LUZP2: variants seen among roughly 807,000 people sequenced by gnomAD.
The protein encoded by LUZP2 is leucine zipper protein 2.
A neutral mutation model predicts 51.6 loss-of-function variants in LUZP2; 52 were observed. That is an observed-to-expected ratio of 1.01 (90% confidence interval 0.81 to 1.27). LUZP2 has a LOEUF of 1.27. Ranked by LOEUF, LUZP2 falls within the 50% of genes most tolerant of loss-of-function variation. The pLI, the probability that LUZP2 is intolerant of heterozygous loss-of-function variation, is 0.00. For missense variants in LUZP2, 436 were observed against 395.4 expected, an observed-to-expected ratio of 1.10 and a Z score of -0.87; for synonymous variants, 154 against 137.3, an observed-to-expected ratio of 1.12 and a Z score of -0.85.
chr11:24,881,467 A>C (rs913935145), intron 5 of LUZP2, among the ~76,000 whole-genome samples: 3 of 151,730 alleles, frequency 2.0e-5, no homozygotes, highest in Admixed American at 2.0e-4. Context: ...ACACCTTTGC[A>C]TGAGATCTTT....
intron 9 of LUZP2, among the ~76,000 whole-genome samples, chr11:25,035,645 C>G (rs1857833341): frequency 6.6e-6 from 1 of 152,088 alleles, no homozygotes; most frequent in Admixed American, 6.6e-5. Context: ...CTATTCTTAT[C>G]AAACTATCAA....
At chr11:24,594,163 A>C (rs1476047291) in intron 1 of LUZP2, among the ~76,000 whole-genome samples, 2 of 152,210 alleles carry the variant, frequency 1.3e-5, no homozygotes, top group African/African-American at 2.4e-5. Context: ...TGAAAGTGAA[A>C]AATTTCAATC....
chr11:24,729,763 G>T (rs982527385), intron 2 of LUZP2, among the ~76,000 whole-genome samples: 2 of 151,826 alleles, frequency 1.3e-5, no homozygotes, highest in African/African-American at 4.8e-5. Flanking sequence ...TCTACATAGG[G>T]TAAAAATAGT....
intron 7 of LUZP2, among the ~76,000 whole-genome samples, chr11:24,920,810 G>A (rs948470326): frequency 6.6e-6 from 1 of 151,942 alleles, no homozygotes; most frequent in African/African-American, 2.4e-5. Flanking sequence ...GGGAAGGAAG[G>A]TACTGGAAGA....
At chr11:24,551,521 T>G (rs961724577) in intron 1 of LUZP2, among the ~76,000 whole-genome samples, 1 of 152,004 alleles carries the variant, frequency 6.6e-6, no homozygotes, top group Non-Finnish European at 1.5e-5. Flanking sequence ...TAGATTACGG[T>G]AATGGTTGTG....
rs140605989 is a variant in LUZP2 at position 24,765,205 on chromosome 11, A to G, written c.396+1897A>G. Among the ~76,000 whole-genome samples the G allele has an allele frequency of 3.1e-3, 478 of 152,344 alleles. 3 individuals carry two copies. The highest frequency in any genetic ancestry group is 0.011 in the African/African-American group (470 of 41,586). On this transcript the variant is annotated intron_variant, in intron 5 of 11. Coordinates refer to ENST00000336930, the MANE Select transcript of LUZP2 (RefSeq NM_001009909.4). ...GTAGAGATTAAGGCAGATTTATTTA[A>G]TGAAATAACTGGTGTATACACTGTA... is the stretch of plus-strand genomic sequence containing the variant.
chr11:24,744,360 T>G (rs2133995704), intron 4 of LUZP2, among the ~76,000 whole-genome samples: 1 of 152,168 alleles, frequency 6.6e-6, no homozygotes. Context: ...TTGTTAGTAA[T>G]TTTTTAATTA....
chr11:24,625,951 G>A (rs1854665398), intron 1 of LUZP2, among the ~76,000 whole-genome samples: 1 of 152,136 alleles, frequency 6.6e-6, no homozygotes, highest in South Asian at 2.1e-4. Context: ...GTCTTAGAGT[G>A]TATGGGGAGT....
intron 9 of LUZP2, among the ~76,000 whole-genome samples, chr11:25,017,543 G>A (rs937939154): frequency 7.9e-5 from 12 of 152,060 alleles, no homozygotes; most frequent in African/African-American, 2.9e-4. Flanking sequence ...GTTTTCATAT[G>A]CTTTGTCGAA....
chr11:25,051,590 T>C (rs1158671031), intron 10 of LUZP2, among the ~76,000 whole-genome samples: 2 of 152,118 alleles, frequency 1.3e-5, no homozygotes, highest in Non-Finnish European at 2.9e-5. Flanking sequence ...TAAAAAACAG[T>C]ACACAAAATG....
intron 1 of LUZP2, chr11:24,646,618 C>G: frequency 1.0e-6 from 1 of 983,686 alleles, no homozygotes; most frequent in Non-Finnish European, 1.2e-6. Context: ...TGTCAGGTAT[C>G]AATGATTTTC....
chr11:24,955,756 T>C (rs1248523840), intron 7 of LUZP2, among the ~76,000 whole-genome samples: 1 of 152,040 alleles, frequency 6.6e-6, no homozygotes, highest in Non-Finnish European at 1.5e-5. Context: ...GTGTGCACTG[T>C]GTAGACAAAC....
intron 7 of LUZP2, among the ~76,000 whole-genome samples, chr11:24,967,066 A>T (rs2133889807): frequency 6.6e-6 from 1 of 151,790 alleles, no homozygotes; most frequent in East Asian, 1.9e-4. Context: ...TTCTGTCCTG[A>T]TCCATTGTCA....
chr11:24,534,394 T>C (rs957874926), intron 1 of LUZP2, among the ~76,000 whole-genome samples: 2 of 151,216 alleles, frequency 1.3e-5, no homozygotes, highest in Non-Finnish European at 3.0e-5. Flanking sequence ...TACATTTCTC[T>C]ACATATAGAA....
intron 1 of LUZP2, among the ~76,000 whole-genome samples, chr11:24,592,363 G>C (rs541489765): frequency 6.6e-6 from 1 of 152,234 alleles, no homozygotes; most frequent in African/African-American, 2.4e-5. Flanking sequence ...GGTAGCAGGA[G>C]TACTGTCAGC....
chr11:25,050,560 T>C (rs1392589280), intron 10 of LUZP2, among the ~76,000 whole-genome samples: 1 of 152,118 alleles, frequency 6.6e-6, no homozygotes, highest in Non-Finnish European at 1.5e-5. Context: ...CACCTCGGCC[T>C]CCCAAAGGGC....
intron 5 of LUZP2, among the ~76,000 whole-genome samples, chr11:24,764,018 A>G (rs1363159851): frequency 1.3e-5 from 2 of 152,236 alleles, no homozygotes; most frequent in East Asian, 3.8e-4. Flanking sequence ...CAGAGTAATC[A>G]GAATACTGGG....
At chr11:24,871,177 T>C (rs1289790183) in intron 5 of LUZP2, among the ~76,000 whole-genome samples, 1 of 152,136 alleles carries the variant, frequency 6.6e-6, no homozygotes, top group Non-Finnish European at 1.5e-5. Flanking sequence ...ACAAAATTTC[T>C]TTCAATATTC....
At chr11:24,713,064 T>A (rs942120736) in intron 1 of LUZP2, among the ~76,000 whole-genome samples, 1 of 152,136 alleles carries the variant, frequency 6.6e-6, no homozygotes, top group Non-Finnish European at 1.5e-5. Flanking sequence ...ACATCTACAA[T>A]GTCTCTGGGA....
Sources: allele counts gnomAD v4.1 joint callset (sites outside exome capture counted in the v4.1 genomes callset), GRCh38; gene constraint gnomAD v4.1.1; transcripts MANE v1.5; gene names NCBI Gene and HGNC (gene_info 2026-07-23, HGNC 2026-07-21).